Variants in GRXCR1 observed in about 807,000 individuals in gnomAD.
GRXCR1 encodes the protein glutaredoxin domain-containing cysteine-rich protein 1.
GRXCR1 carries 27 observed loss-of-function variants against 27.3 expected under a neutral mutation model. The observed-to-expected ratio is 0.99, with a 90% CI of 0.73 to 1.37. The LOEUF is 1.37. GRXCR1 is among the 40% of genes most tolerant of loss of function. The pLI, the probability that GRXCR1 is intolerant of heterozygous loss-of-function variation, is 0.00. For synonymous variants in GRXCR1, 122 were observed against 131.1 expected (o/e 0.93, Z 0.47); for missense variants, 379 against 354.4 (o/e 1.07, Z -0.56).
rs553848669 is a variant in GRXCR1, at chr4:42,912,569, G to A, written c.384+18919G>A. Among the ~76,000 whole-genome samples the A allele has an allele frequency of 2.0e-4, 31 of 152,276 alleles. No individual in the cohort carries two copies. In the South Asian group the frequency reaches 3.3e-3, roughly 16 times the overall value. On this transcript the variant is annotated intron_variant, in intron 1 of 3. Transcript: ENST00000399770. ...AGCCCTGAACAATTTTCATATGCCAGGTTTGGAGTTCTGTTCATTAGTCAA... is the reference window on the plus strand; with the variant it reads ...AGCCCTGAACAATTTTCATATGCCAAGTTTGGAGTTCTGTTCATTAGTCAA...
intron 2 of GRXCR1, among the ~76,000 whole-genome samples, chr4:42,998,019 G>A (rs1400257341): frequency 6.6e-6 from 1 of 152,050 alleles, no homozygotes; most frequent in East Asian, 1.9e-4. Flanking sequence ...TTTTTTAAAA[G>A]CGTATATTTC....
chr4:43,012,043 A>T (rs922634495), intron 2 of GRXCR1, among the ~76,000 whole-genome samples: 2 of 152,192 alleles, frequency 1.3e-5, no homozygotes, highest in Non-Finnish European at 2.9e-5. Context: ...TTTCTCAATT[A>T]TTCTCACTAT....
chr4:42,986,819 G>A (rs1359165509), intron 2 of GRXCR1, among the ~76,000 whole-genome samples: 1 of 152,056 alleles, frequency 6.6e-6, no homozygotes, highest in Admixed American at 6.6e-5. Context: ...TGTGGGACAA[G>A]TCTAGATATG....
chr4:42,909,095 G>A (rs888968443), intron 1 of GRXCR1, among the ~76,000 whole-genome samples: 51 of 152,188 alleles, frequency 3.4e-4, no homozygotes, highest in African/African-American at 1.1e-3. Flanking sequence ...ACAACTGCTT[G>A]TAAAAAGCAA....
intron 1 of GRXCR1, among the ~76,000 whole-genome samples, chr4:42,932,619 T>TATACATAG: frequency 4.4e-5 from 1 of 22,920 alleles, no homozygotes; most frequent in East Asian, 1.7e-3. Context: ...TATATATATA[T>TATACATAG]AGAGAGAGAG....
chr4:43,023,457 TG>T (rs1255513845), intron 3 of GRXCR1, among the ~76,000 whole-genome samples: 1 of 152,206 alleles, frequency 6.6e-6, no homozygotes, highest in Non-Finnish European at 1.5e-5. Flanking sequence ...TGAAAATTGC[TG>T]GGGAAGCTGA....
At chr4:42,991,490 A>G (rs1560678677) in intron 2 of GRXCR1, among the ~76,000 whole-genome samples, 1 of 151,598 alleles carries the variant, frequency 6.6e-6, no homozygotes, top group Non-Finnish European at 1.5e-5. Context: ...ATATATATAT[A>G]TCTGTCATTC....
intron 1 of GRXCR1, among the ~76,000 whole-genome samples, chr4:42,925,938 A>T (rs777324551): frequency 8.6e-5 from 13 of 152,018 alleles, no homozygotes; most frequent in Non-Finnish European, 1.6e-4. Context: ...GGAAGTTCAG[A>T]TAACTCTGGG....
intron 2 of GRXCR1, among the ~76,000 whole-genome samples, chr4:42,966,047 A>G (rs1002112430): frequency 1.5e-5 from 2 of 134,342 alleles, no homozygotes; most frequent in Admixed American, 1.4e-4. Flanking sequence ...ACAGTCAAGG[A>G]AAAAAAAATA....
chr4:42,915,832 A>T (rs1182329428), intron 1 of GRXCR1, among the ~76,000 whole-genome samples: 1 of 152,030 alleles, frequency 6.6e-6, no homozygotes, highest in Non-Finnish European at 1.5e-5. Flanking sequence ...TTCATTTCTA[A>T]TCCTTAACAT....
chr4:42,893,283 T>C lies in GRXCR1; in HGVS notation c.17T>C (p.Met6Thr), dbSNP rs1746273033. Residue 6 changes from methionine (M) to threonine (T), a missense_variant, in exon 1 of 4, where the codon ATG becomes ACG. By Grantham distance (81) the Met-to-Thr change is moderately conservative. Transcript: ENST00000399770. ...GAGGTGACCATGCTTAAAAGGGAGA[T>C]GAAGCCAGAAAGTGACAGGCCACGG... MLKREMKPESDRPRKV... is the reference protein window; with the variant it reads MLKRETKPESDRPRKV... The C allele has an allele frequency of 5.6e-6, 9 of 1,613,478 alleles. No individual in the cohort carries two copies. Among genetic ancestry groups the C allele is most frequent in the Non-Finnish European group, 7.6e-6 (9 of 1,179,720 alleles).
chr4:42,981,332 C>G (rs780687722), intron 2 of GRXCR1, among the ~76,000 whole-genome samples: 2 of 152,016 alleles, frequency 1.3e-5, no homozygotes, highest in Non-Finnish European at 2.9e-5. Context: ...CAATTTTACT[C>G]CACAATGTGC....
intron 1 of GRXCR1, among the ~76,000 whole-genome samples, chr4:42,927,910 T>A (rs981409723): frequency 1.4e-4 from 22 of 151,932 alleles, no homozygotes; most frequent in African/African-American, 5.3e-4. Flanking sequence ...GAGTGGGGAT[T>A]GAGCAGAGAA....
At chr4:42,958,421 A>AGATCTAAG (rs1445656908) in intron 1 of GRXCR1, among the ~76,000 whole-genome samples, 2 of 151,990 alleles carry the variant, frequency 1.3e-5, no homozygotes, top group Non-Finnish European at 2.9e-5. Context: ...AATGGATTAA[A>AGATCTAAG]GATCTAAGTA....
At chr4:42,898,129 A>G (rs1746389858) in intron 1 of GRXCR1, among the ~76,000 whole-genome samples, 1 of 151,974 alleles carries the variant, frequency 6.6e-6, no homozygotes, top group African/African-American at 2.4e-5. Flanking sequence ...ATGATAACAA[A>G]CATGAAGACT....
intron 2 of GRXCR1, among the ~76,000 whole-genome samples, chr4:42,982,970 A>G (rs1470159262): frequency 6.6e-6 from 1 of 151,844 alleles, no homozygotes; most frequent in Non-Finnish European, 1.5e-5. Flanking sequence ...TTGTCAGATG[A>G]GTAGGTTGCG....
At chr4:42,921,811 T>C (rs1227590712) in intron 1 of GRXCR1, among the ~76,000 whole-genome samples, 1 of 152,120 alleles carries the variant, frequency 6.6e-6, no homozygotes, top group Non-Finnish European at 1.5e-5. Context: ...CTGACTTGAC[T>C]TAGGGCTGGA....
intron 2 of GRXCR1, among the ~76,000 whole-genome samples, chr4:42,972,970 T>G (rs1748423827): frequency 6.6e-6 from 1 of 152,110 alleles, no homozygotes; most frequent in Admixed American, 6.5e-5. Flanking sequence ...TCCTTTAGTC[T>G]CTTCCATTTG....
rs1019159700 is a variant in GRXCR1, at chr4:43,025,929, T to A, written c.694-4432T>A. On this transcript the variant is annotated intron_variant, in intron 3 of 3. Coordinates refer to ENST00000399770, the MANE Select transcript of GRXCR1 (RefSeq NM_001080476.3). Reference sequence around the variant, plus strand: ...AGGCAGAGCTTGCAGTGAGCTGAGATCGTGCCACTGCACTCCAGCCTGGGA... The same window carrying A: ...AGGCAGAGCTTGCAGTGAGCTGAGAACGTGCCACTGCACTCCAGCCTGGGA... 4.0e-5 allele frequency among the ~76,000 whole-genome samples: 6 copies of A among 148,198 alleles called. 1 individual carries two copies. The Admixed American group carries it at 4.1e-4, about 10-fold the overall frequency.
Sources: gnomAD v4.1 joint callset for allele counts (sites outside exome capture counted in the v4.1 genomes callset) on GRCh38, gnomAD v4.1.1 for gene constraint, MANE v1.5 for transcripts, NCBI Gene and HGNC (gene_info 2026-07-23, HGNC 2026-07-21) for gene names.